Variants in PDE9A observed in about 807,000 individuals in gnomAD.
PDE9A encodes high affinity cGMP-specific 3',5'-cyclic phosphodiesterase 9A.
Under a neutral mutation model 87.4 loss-of-function variants are expected in PDE9A, and 60 were observed. That is an observed-to-expected ratio of 0.69 (90% CI 0.56 to 0.85). The LOEUF is 0.85. Ranked by LOEUF, PDE9A falls within the 40% of genes least tolerant of loss-of-function variation. PDE9A has a pLI of 0.00. For missense variants in PDE9A, 665 were observed against 779.0 expected, an observed-to-expected ratio of 0.85 and a Z score of 1.74; for synonymous variants, 272 against 279.4, an observed-to-expected ratio of 0.97 and a Z score of 0.27.
chr21:42,751,166 C>T lies in PDE9A; in HGVS notation c.704C>T (p.Thr235Ile), dbSNP rs1178248766. Residue 235 changes from threonine to isoleucine, a missense_variant, in exon 9 of 20, where the codon ACT (threonine) becomes ATT (isoleucine). By Grantham distance (89) the Thr-to-Ile change is moderately conservative. Transcript: ENST00000291539. ...TTTTTGGATAACCACAAGAAGTTGA[C>T]TCCTCGACGCGATGTTCCCACTTAC... is the stretch of plus-strand genomic sequence containing the variant. ...YSFLDNHKKL[T>I]PRRDVPTYPK... The T allele has an allele frequency of 6.2e-7, 1 of 1,613,028 alleles. No individual in the cohort carries two copies. The highest frequency in any genetic ancestry group is 8.5e-7 in the Non-Finnish European group (1 of 1,179,142).
At chr21:42,686,602 G>A (rs1250881771) in intron 2 of PDE9A, among the ~76,000 whole-genome samples, 3 of 152,126 alleles carry the variant, frequency 2.0e-5, no homozygotes, top group Admixed American at 1.3e-4. Flanking sequence ...ATCACCTGAG[G>A]TCAGGAGTTC....
chr21:42,709,646 C>T (rs2049130066), intron 4 of PDE9A, among the ~76,000 whole-genome samples: 1 of 152,136 alleles, frequency 6.6e-6, no homozygotes, highest in Non-Finnish European at 1.5e-5. Flanking sequence ...TGTCTGGACT[C>T]TTTCACTCAA....
rs902838623 is a variant in PDE9A, at chr21:42,723,937, G to T, written c.263-7833G>T. Among the ~76,000 whole-genome samples the T allele has an allele frequency of 6.6e-6, 1 of 152,150 alleles. No individual in the cohort carries two copies. Among genetic ancestry groups the T allele is most frequent in the Admixed American group, 6.5e-5 (1 of 15,278 alleles). ...CTTTAATTTTTAAAATTCATTATACGTCCTGCAGCATTTAGGAAAAAGAGG... is the reference window on the plus strand; with the variant it reads ...CTTTAATTTTTAAAATTCATTATACTTCCTGCAGCATTTAGGAAAAAGAGG... On this transcript the variant is annotated intron_variant, in intron 4 of 19. Coordinates refer to ENST00000291539, the MANE Select transcript of PDE9A (RefSeq NM_002606.3). This position sits in a 1 kb window ranked among gnomAD's most constrained non-coding sequence, Gnocchi z 4.3.
chr21:42,699,419 C>G (rs2060319944), intron 4 of PDE9A, among the ~76,000 whole-genome samples: 1 of 152,278 alleles, frequency 6.6e-6, no homozygotes. Context: ...GGCATCCACT[C>G]TGGTCTTCCT....
chr21:42,679,203 A>G (rs2059017302), intron 1 of PDE9A, among the ~76,000 whole-genome samples: 1 of 152,138 alleles, frequency 6.6e-6, no homozygotes, highest in Non-Finnish European at 1.5e-5. Context: ...TAGGTGGAAG[A>G]ACCTTCCGGA....
intron 18 of PDE9A, among the ~76,000 whole-genome samples, chr21:42,771,297 G>A (rs890571636): frequency 1.3e-5 from 2 of 152,228 alleles, no homozygotes; most frequent in African/African-American, 4.8e-5. Context: ...GGGAGCCTGG[G>A]GCTGGCTTTA....
In PDE9A at chr21:42,704,418, C is replaced by A. The variant is rs1180628710; in HGVS notation, c.262+5407C>A. On this transcript the variant is annotated intron_variant, in intron 4 of 19. Transcript: ENST00000291539. The surrounding 1 kb of genome is among the most constrained non-coding windows in gnomAD (Gnocchi z 5.3). Reference sequence around the variant, plus strand: ...AGACAAAGTCGGTGTCAGGTAGACCCCCCCCACCCCACCAAACACACACAC... The same window carrying A: ...AGACAAAGTCGGTGTCAGGTAGACCACCCCCACCCCACCAAACACACACAC... 7.1e-6 allele frequency among the ~76,000 whole-genome samples: 1 copy of A among 140,988 alleles called. No homozygotes were observed. The highest frequency in any genetic ancestry group is 1.5e-5 in the Non-Finnish European group (1 of 65,768). 92.5% of individuals were successfully genotyped at this position (140,988 alleles called of 152,430 possible).
At chr21:42,681,567 G>A (rs1455800784) in intron 1 of PDE9A, among the ~76,000 whole-genome samples, 1 of 152,186 alleles carries the variant, frequency 6.6e-6, no homozygotes, top group Non-Finnish European at 1.5e-5. Flanking sequence ...AGACAGTGAT[G>A]TTCCCGCTGA....
intron 1 of PDE9A, among the ~76,000 whole-genome samples, chr21:42,670,240 C>CGCACAT (rs796446421): frequency 1.2e-4 from 12 of 97,796 alleles, no homozygotes; most frequent in African/African-American, 4.0e-4. Context: ...TACATTCACA[C>CGCACAT]TCATACACAT....
intron 4 of PDE9A, among the ~76,000 whole-genome samples, chr21:42,710,063 G>T (rs552032124): frequency 1.3e-5 from 2 of 152,266 alleles, no homozygotes; most frequent in East Asian, 3.9e-4. Context: ...TAAATGGCTG[G>T]CTCATATGCT....
intron 1 of PDE9A, among the ~76,000 whole-genome samples, chr21:42,684,354 G>A (rs1052180331): frequency 1.3e-5 from 2 of 152,192 alleles, no homozygotes; most frequent in Non-Finnish European, 2.9e-5. Flanking sequence ...GCCCACATGG[G>A]AACCGCTTTT....
intron 1 of PDE9A, among the ~76,000 whole-genome samples, chr21:42,670,564 A>G (rs924818929): frequency 6.7e-6 from 1 of 150,248 alleles, no homozygotes; most frequent in African/African-American, 2.5e-5. Flanking sequence ...ACACATTCAC[A>G]CATACACACA....
intron 8 of PDE9A, among the ~76,000 whole-genome samples, chr21:42,744,139 G>T (rs185528645): frequency 1.3e-5 from 2 of 152,176 alleles, no homozygotes; most frequent in Non-Finnish European, 2.9e-5. Context: ...GATCACCTGA[G>T]GACAGGAGTT....
intron 7 of PDE9A, among the ~76,000 whole-genome samples, chr21:42,737,992 G>T (rs565188061): frequency 2.6e-5 from 4 of 152,096 alleles, no homozygotes; most frequent in Admixed American, 2.0e-4. Flanking sequence ...TTTCCCTTAC[G>T]TTACGGATTA....
chr21:42,720,859 G>T (rs1245523619), intron 4 of PDE9A, among the ~76,000 whole-genome samples: 2 of 151,880 alleles, frequency 1.3e-5, no homozygotes, highest in African/African-American at 4.8e-5. Flanking sequence ...TACAAAATTA[G>T]CCCGGCGTGG....
Position 42,705,125 on chromosome 21 carries a change from G to A in PDE9A, c.262+6114G>A, listed in dbSNP as rs2269147. ...AGCGTAGAGTAGAAGGAATGGCCCC[G>A]TCCACGCGAAGGTCTGTGTTCACCA... On this transcript the variant is annotated intron_variant, in intron 4 of 19. Transcript: ENST00000291539. This position sits in a 1 kb window ranked among gnomAD's most constrained non-coding sequence, Gnocchi z 4.3. Among the ~76,000 whole-genome samples, 30,081 of 152,044 alleles carry A rather than the reference G, an allele frequency of 0.2. 3,280 individuals are homozygous for A. Among genetic ancestry groups the A allele is most frequent in the East Asian group, 0.38 (1,959 of 5,142 alleles).
intron 4 of PDE9A, among the ~76,000 whole-genome samples, chr21:42,706,561 C>A (rs1436256848): frequency 6.6e-6 from 1 of 151,952 alleles, no homozygotes; most frequent in Non-Finnish European, 1.5e-5. Flanking sequence ...AGGAGAATCG[C>A]TTGAACCTGG....
chr21:42,742,572 TCTC>T (rs1449418102), intron 7 of PDE9A, among the ~76,000 whole-genome samples: 5 of 151,018 alleles, frequency 3.3e-5, no homozygotes, highest in African/African-American at 1.2e-4. Flanking sequence ...TTCAAGCTAT[TCTC>T]CTGCCTCAGC....
rs759504327 is a variant in PDE9A at position 42,754,001 on chromosome 21, T to C, written c.747T>C (p.Ser249=). 3 of 1,612,286 alleles carry C rather than the reference T, an allele frequency of 1.9e-6. No homozygotes were observed. Among genetic ancestry groups the C allele is most frequent in the South Asian group, 2.2e-5 (2 of 91,040 alleles). Residue 249 remains serine, a synonymous_variant, in exon 10 of 20, where the codon TCT becomes TCC. Transcript: ENST00000291539. The stretch of plus-strand genomic sequence containing the variant: ...CCTGTCCTTTCTAGTACCTGCTCTC[T>C]CCAGAGACCATCGAGGCCCTGCGGA... The part of the protein sequence containing the change: ...DVPTYPKYLL[S]PETIEALRKP...
Sources: allele counts gnomAD v4.1 joint callset (sites outside exome capture counted in the v4.1 genomes callset), GRCh38; gene constraint gnomAD v4.1.1; non-coding constraint Gnocchi (gnomAD v3.1); transcripts MANE v1.5; gene names NCBI Gene and HGNC (gene_info 2026-07-23, HGNC 2026-07-21).